Variants in COL10A1 observed in about 807,000 individuals in gnomAD.
COL10A1 encodes collagen alpha-1(X) chain.
In COL10A1, 10 loss-of-function variants were observed where a neutral mutation model predicts 18.2. The observed-to-expected ratio is 0.55, with a 90% CI of 0.34 to 0.93. The LOEUF is 0.93. COL10A1 is among the 40% of genes least tolerant of loss of function. COL10A1 has a pLI of 0.02. For missense variants in COL10A1, 897 were observed against 853.5 expected, an observed-to-expected ratio of 1.05 and a Z score of -0.64; for synonymous variants, 330 against 316.6, an observed-to-expected ratio of 1.04 and a Z score of -0.45.
chr6:116,138,282 G>A (rs901023863), intron 1 of COL10A1, among the ~76,000 whole-genome samples: 2 of 152,110 alleles, frequency 1.3e-5, no homozygotes, highest in African/African-American at 4.8e-5. Flanking sequence ...AGATCACCAT[G>A]GTAAAGCGAC....
upstream of COL10A1, chr6:116,158,845 T>G (rs1425912100): frequency 6.6e-6 from 1 of 152,204 alleles, no homozygotes; most frequent in Non-Finnish European, 1.5e-5. Context: ...AATGATGGTT[T>G]GCCTTCTGAT....
At chr6:116,130,766 T>G (rs1371758147), upstream of COL10A1, among the ~76,000 whole-genome samples, 2 of 152,118 alleles carry the variant, frequency 1.3e-5, no homozygotes, top group Non-Finnish European at 2.9e-5. Context: ...AGCTGCTTGG[T>G]CCCATGCTAA....
At position 116,121,315 on chromosome 6, in the gene COL10A1, T is replaced by C; in HGVS notation, c.801A>G (p.Gly267=). ...ERGPEGIGKP[G]AAGAPGQPGI... is the part of the protein sequence containing the mutation. The stretch of plus-strand genomic sequence containing the variant: ...CTGGCTGGCCTGGGGCTCCAGCAGC[T>C]CCTGGCTTTCCAATGCCTTCTGGCC... The change falls in exon 3 of 3, where the codon GGA becomes GGG. Residue 267 remains glycine (G), a synonymous_variant. Transcript: ENST00000651968. 1 of 1,614,038 alleles carries C rather than the reference T, an allele frequency of 6.2e-7. No individual in the cohort carries two copies. The highest frequency in any genetic ancestry group is 1.7e-5 in the Admixed American group (1 of 60,022).
At chr6:116,198,393 G>A in the COL10A1 span, among the ~76,000 whole-genome samples, 1 of 151,972 alleles carries the variant, frequency 6.6e-6, no homozygotes, top group East Asian at 1.9e-4. Flanking sequence ...GACTCAAGCA[G>A]CTTGTTTAAA....
chr6:116,145,722 T>C (rs1256099974), intron 1 of COL10A1, among the ~76,000 whole-genome samples: 1 of 152,234 alleles, frequency 6.6e-6, no homozygotes, highest in Non-Finnish European at 1.5e-5. Flanking sequence ...AAATAGTTTG[T>C]TTCATTTTTT....
At position 116,121,430 on chromosome 6, in the gene COL10A1, C is replaced by G. The variant is rs202057046; in HGVS notation, c.686G>C (p.Gly229Ala). 1.9e-6 allele frequency: 3 copies of G among 1,614,156 alleles called. No individual in the cohort carries two copies. The highest frequency in any genetic ancestry group is 2.5e-6 in the Non-Finnish European group (3 of 1,180,008). ...VGKRGENGVP[G>A]QPGIKGDRGF... Reference sequence around the variant, plus strand: ...TCTATCACCTTTGATGCCTGGCTGTCCTGGAACCCCATTTTCACCTCTTTT... The same window carrying G: ...TCTATCACCTTTGATGCCTGGCTGTGCTGGAACCCCATTTTCACCTCTTTT... The change falls in exon 3 of 3, where the codon GGA (glycine) becomes GCA (alanine). Residue 229 changes from glycine to alanine, a missense_variant. Coordinates refer to ENST00000651968, the MANE Select transcript of COL10A1 (RefSeq NM_000493.4).
At chr6:116,168,698 TG>T in the COL10A1 span, among the ~76,000 whole-genome samples, 9 of 152,292 alleles carry the variant, frequency 5.9e-5, no homozygotes, top group South Asian at 8.3e-4. Context: ...TACTAGCTAT[TG>T]TTTTTTTTAA....
chr6:116,133,711 A>G (rs1205159771), intron 1 of COL10A1, among the ~76,000 whole-genome samples: 2 of 152,178 alleles, frequency 1.3e-5, no homozygotes, highest in Non-Finnish European at 2.9e-5. Context: ...CTCTTCCCTA[A>G]TAGTGCAAAG....
At chr6:116,180,836 T>C in the COL10A1 span, among the ~76,000 whole-genome samples, 1 of 152,066 alleles carries the variant, frequency 6.6e-6, no homozygotes, top group Admixed American at 6.6e-5. Flanking sequence ...ATTTAAGTGA[T>C]GTATCAACCA....
intron 1 of COL10A1, among the ~76,000 whole-genome samples, chr6:116,138,246 G>A (rs1314655776): frequency 2.0e-5 from 3 of 152,134 alleles, no homozygotes; most frequent in Non-Finnish European, 4.4e-5. Flanking sequence ...AAGAATTTGA[G>A]GCCTAGAGGT....
intron 1 of COL10A1, among the ~76,000 whole-genome samples, chr6:116,148,808 T>C (rs1434851433): frequency 6.6e-6 from 1 of 152,164 alleles, no homozygotes; most frequent in East Asian, 1.9e-4. Flanking sequence ...TTGAGTGGGT[T>C]ACAGGTAAGT....
upstream of COL10A1, among the ~76,000 whole-genome samples, chr6:116,163,137 A>ATATAT (rs1554197055): frequency 8.1e-3 from 852 of 105,194 alleles, 8 homozygotes; most frequent in South Asian, 0.06. Context: ...AAAAAAAAAA[A>ATATAT]AAAAATATAT....
chr6:116,203,315 T>C, the COL10A1 span, among the ~76,000 whole-genome samples: 1 of 151,998 alleles, frequency 6.6e-6, no homozygotes, highest in African/African-American at 2.4e-5. Flanking sequence ...TACATTGTTA[T>C]TAAATGTGAA....
chr6:116,163,156 A>ATATG (rs1170860239), upstream of COL10A1, among the ~76,000 whole-genome samples: 6 of 143,136 alleles, frequency 4.2e-5, no homozygotes, highest in Non-Finnish European at 9.1e-5. Flanking sequence ...ATATATATAT[A>ATATG]TATATATTAG....
chr6:116,152,490 C>T (rs982423238), intron 1 of COL10A1, among the ~76,000 whole-genome samples: 3 of 152,096 alleles, frequency 2.0e-5, no homozygotes, highest in Admixed American at 2.0e-4. Flanking sequence ...TCTACCCCAC[C>T]GTGCCAGAGA....
chr6:116,156,818 G>A (rs1013343808), intron 1 of COL10A1, among the ~76,000 whole-genome samples: 2 of 151,970 alleles, frequency 1.3e-5, no homozygotes, highest in African/African-American at 4.8e-5. Context: ...CAATAATTTT[G>A]TGCTTCACGT....
chr6:116,163,545 TTTTG>T (rs1244742869), upstream of COL10A1, among the ~76,000 whole-genome samples: 5 of 152,124 alleles, frequency 3.3e-5, no homozygotes, highest in Admixed American at 6.5e-5. Context: ...GTCTATCAAT[TTTTG>T]TTTATCTTCT....
At chr6:116,124,167 A>C (rs1233082968) in intron 2 of COL10A1, among the ~76,000 whole-genome samples, 3 of 152,066 alleles carry the variant, frequency 2.0e-5, no homozygotes, top group Non-Finnish European at 2.9e-5. Context: ...TTTAAATTCC[A>C]TCTTTCTTCT....
intron 1 of COL10A1, among the ~76,000 whole-genome samples, chr6:116,133,511 T>C (rs895583085): frequency 6.6e-6 from 1 of 152,148 alleles, no homozygotes; most frequent in African/African-American, 2.4e-5. Flanking sequence ...GAATATTAAG[T>C]ACCTATAGGG....
Sources: allele counts gnomAD v4.1 joint callset (sites outside exome capture counted in the v4.1 genomes callset), GRCh38; gene constraint gnomAD v4.1.1; transcripts MANE v1.5; gene names NCBI Gene and HGNC (gene_info 2026-07-23, HGNC 2026-07-21).